Variants in FAM91A1 observed in about 807,000 individuals in gnomAD.
FAM91A1 encodes protein FAM91A1.
FAM91A1 carries 41 observed loss-of-function variants against 113.5 expected under a neutral mutation model. The ratio of observed to expected loss-of-function variants is 0.36; its 90% confidence interval spans 0.28 to 0.47. FAM91A1 has a LOEUF of 0.47. FAM91A1 is among the 20% of genes least tolerant of loss of function. The probability of loss-of-function intolerance (pLI) is 1.00; values close to 1 mark genes in which losing one functional copy is unlikely to be tolerated. For missense variants in FAM91A1, 696 were observed against 1,001.2 expected (o/e 0.70, Z 4.11); for synonymous variants, 307 against 347.9 (o/e 0.88, Z 1.31).
chr8:123,798,029 C>G (rs1052865790), intron 15 of FAM91A1, 61 bp from the exon 16 acceptor site: 30 of 1,516,460 alleles, frequency 2.0e-5, no homozygotes, highest in Admixed American at 2.1e-5. Flanking sequence ...ATTGCATCTT[C>G]AACATTTTTG....
Position 123,768,458 on chromosome 8 carries a change from C to A in FAM91A1, c.-245C>A, listed in dbSNP as rs776894858. ...GTGCCCAGAGCCATTTCCGGCGGCC[C>A]GAAACTAGGAAGAAACTTGGAGCTG... On this transcript the variant is annotated 5_prime_UTR_variant, in exon 1 of 24. Coordinates refer to ENST00000334705, the MANE Select transcript of FAM91A1 (RefSeq NM_144963.4). 2.3e-6 allele frequency: 1 copy of A among 430,390 alleles called. No individual in the cohort carries two copies. Among genetic ancestry groups the A allele is most frequent in the Non-Finnish European group, 4.1e-6 (1 of 244,098 alleles). 26.7% of individuals were successfully genotyped at this position (430,390 alleles called of 1,614,324 possible).
chr8:123,810,223 G>C, intron 22 of FAM91A1, 59 bp from the exon 23 acceptor site: 1 of 1,520,294 alleles, frequency 6.6e-7, no homozygotes. Context: ...ACTCTTATGA[G>C]AAACTCATTC....
At position 123,774,248 on chromosome 8, in the gene FAM91A1, A is replaced by G. The variant is rs183803542; in HGVS notation, c.157+84A>G. The G allele has an allele frequency of 4.7e-5, 51 of 1,086,074 alleles. No individual in the cohort carries two copies. The African/African-American group carries it at 6.1e-4, about 13-fold the overall frequency. 67.3% of individuals were successfully genotyped at this position (1,086,074 alleles called of 1,614,324 possible). A position where few individuals can be genotyped will look rare whatever the true frequency, so the allele number is the denominator to read the frequency against. ...AATCTTTCTTTTCAATACATATTTC[A>G]TAGTACTGAGATTATTCCATGTACA... On this transcript the variant is annotated intron_variant, in intron 2 of 23. Coordinates refer to ENST00000334705, the MANE Select transcript of FAM91A1 (RefSeq NM_144963.4).
At chr8:123,785,153 T>G (rs372516266) in intron 10 of FAM91A1, 34 bp downstream of exon 10, 30 of 1,528,248 alleles carry the variant, frequency 2.0e-5, no homozygotes, top group Non-Finnish European at 2.7e-5. Context: ...ACTGGTGATG[T>G]GATAACTGAG....
chr8:123,797,450 A>T (rs1340405194), intron 15 of FAM91A1, among the ~76,000 whole-genome samples: 3 of 152,000 alleles, frequency 2.0e-5, no homozygotes, highest in Non-Finnish European at 2.9e-5. Context: ...TGCCTCTGTC[A>T]CCTTGGAGAC....
At chr8:123,799,466 G>T in intron 16 of FAM91A1, 54 bp from the exon 17 acceptor site, 2 of 1,538,790 alleles carry the variant, frequency 1.3e-6, no homozygotes, top group Non-Finnish European at 1.8e-6. Context: ...ACTGTTCTCG[G>T]TCACTTATGT....
chr8:123,794,622 C>A (rs1220385942), intron 15 of FAM91A1, among the ~76,000 whole-genome samples: 1 of 152,194 alleles, frequency 6.6e-6, no homozygotes, highest in African/African-American at 2.4e-5. Context: ...CTGATCATCT[C>A]TGAGTGAGCA....
chr8:123,812,202 A>AT (rs1368221712), intron 23 of FAM91A1: 2 of 173,514 alleles, frequency 1.2e-5, no homozygotes, highest in African/African-American at 2.5e-5. Context: ...TTTTTTAGAG[A>AT]TTTTTCTTCT....
chr8:123,791,457 A>T (rs9297675), intron 15 of FAM91A1, among the ~76,000 whole-genome samples: 33,149 of 151,906 alleles, frequency 0.22, 4,028 homozygotes, highest in East Asian at 0.33. Context: ...GTAAATCTAA[A>T]CCTATTCTCT....
chr8:123,814,235 A>G lies in FAM91A1; in HGVS notation c.*1531A>G, dbSNP rs1165895613. The G allele has an allele frequency of 5.6e-6, 2 of 357,186 alleles. No homozygotes were observed. The highest frequency in any genetic ancestry group is 1.1e-5 in the Non-Finnish European group (2 of 189,328). The allele number at this position is 357,186 out of a possible 1,614,324, so 22.1% of individuals were successfully genotyped here. The stretch of plus-strand genomic sequence containing the variant: ...TACTAATATTAAATAATTTCTTACG[A>G]CTCTGAGTCACTCACTTATTTTTCC... On this transcript the variant is annotated 3_prime_UTR_variant, in exon 24 of 24. Coordinates refer to ENST00000334705, the MANE Select transcript of FAM91A1 (RefSeq NM_144963.4).
At chr8:123,777,029 G>A (rs1027263790) in intron 3 of FAM91A1, among the ~76,000 whole-genome samples, 1 of 152,182 alleles carries the variant, frequency 6.6e-6, no homozygotes, top group Non-Finnish European at 1.5e-5. Context: ...CAGCTGCCTG[G>A]GATTCGTAGA....
chr8:123,796,377 T>C (rs1296499995), intron 15 of FAM91A1, among the ~76,000 whole-genome samples: 1 of 152,160 alleles, frequency 6.6e-6, no homozygotes, highest in Non-Finnish European at 1.5e-5. Flanking sequence ...ATGTTGTACC[T>C]GACTTCACAG....
In FAM91A1 at chr8:123,779,934, G is replaced by A. The variant is rs536694743; in HGVS notation, c.550-51G>A. On this transcript the variant is annotated intron_variant, in intron 6 of 23. Coordinates refer to ENST00000334705, the MANE Select transcript of FAM91A1 (RefSeq NM_144963.4). ...CATAAATAAATTTCAGGAGACTTGT[G>A]AATTAGTTAATTTGGACAGAACTTA... 3.4e-6 allele frequency: 5 copies of A among 1,479,036 alleles called. No homozygotes were observed. In the South Asian group the frequency reaches 5.8e-5, roughly 17 times the overall value. The allele number at this position is 1,479,036 out of a possible 1,614,324, so 91.6% of individuals were successfully genotyped here.
chr8:123,780,538 A>G lies in FAM91A1; in HGVS notation c.699A>G (p.Ile233Met), dbSNP rs1815093939. The stretch of plus-strand genomic sequence containing the variant: ...TACCAATATCTGATGACAGTTGTAT[A>G]GCAGGTAAGTCCGTGCTAACATTTT... ...LDVPISDDSC[I>M]AVPPLEGFVM... Residue 233 changes from isoleucine to methionine, a missense_variant, in exon 8 of 24, where the codon ATA becomes ATG. Physicochemically the swap from Ile to Met is conservative, Grantham distance 10 (BLOSUM62 1). Transcript: ENST00000334705. 7.4e-6 allele frequency: 12 copies of G among 1,611,014 alleles called. No homozygotes were observed. The highest frequency in any genetic ancestry group is 1.0e-5 in the Non-Finnish European group (12 of 1,178,902).
intron 23 of FAM91A1, 126 bp from the exon 24 acceptor site, chr8:123,812,393 T>G: frequency 1.2e-5 from 7 of 575,402 alleles, no homozygotes; most frequent in South Asian, 4.9e-5. Flanking sequence ...GATCTTTGCA[T>G]CTCCTGTACT....
At chr8:123,792,116 A>C (rs558192918) in intron 15 of FAM91A1, among the ~76,000 whole-genome samples, 3 of 152,296 alleles carry the variant, frequency 2.0e-5, no homozygotes, top group Admixed American at 6.5e-5. Context: ...CTGAGGTTGC[A>C]GTGAGCTGAA....
intron 2 of FAM91A1, 108 bp downstream of exon 2, chr8:123,774,272 C>A: frequency 2.3e-6 from 2 of 867,294 alleles, no homozygotes; most frequent in Non-Finnish European, 3.5e-6. Context: ...ATTCCATGTA[C>A]AGACTTTAAG....
Position 123,783,178 on chromosome 8 carries a change from T to A in FAM91A1, c.704-1292T>A, listed in dbSNP as rs994058701. On this transcript the variant is annotated intron_variant, in intron 8 of 23. Coordinates refer to ENST00000334705, the MANE Select transcript of FAM91A1 (RefSeq NM_144963.4). ...GTGACAGAGTGAGACCCTGTCTCAA[T>A]AAATAAATAAATAAATAGATACATT... Among the ~76,000 whole-genome samples, 3 of 151,944 alleles carry A rather than the reference T, an allele frequency of 2.0e-5. No homozygotes were observed. In the East Asian group the frequency reaches 5.8e-4, roughly 29 times the overall value.
chr8:123,784,306 G>A (rs1039697741), intron 8 of FAM91A1, among the ~76,000 whole-genome samples, 164 bp from the exon 9 acceptor site: 3 of 152,118 alleles, frequency 2.0e-5, no homozygotes, highest in East Asian at 1.9e-4. Context: ...CTCTGTGTAC[G>A]TATTGTAGAG....
Sources: allele counts gnomAD v4.1 joint callset (sites outside exome capture counted in the v4.1 genomes callset), GRCh38; gene constraint gnomAD v4.1.1; transcripts MANE v1.5; gene names NCBI Gene and HGNC (gene_info 2026-07-23, HGNC 2026-07-21).